The following LPP variants were observed in gnomAD, a reference collection of about 807,000 sequenced individuals.
LPP encodes the protein LIM domain containing preferred translocation partner in lipoma, also known as lipoma-preferred partner.
In LPP, 38 loss-of-function variants were observed where a neutral mutation model predicts 60.4. That is an observed-to-expected ratio of 0.63 (90% CI 0.49 to 0.83). The LOEUF (loss-of-function observed/expected upper bound fraction) is 0.83. Ranked by LOEUF, LPP falls within the 40% of genes least tolerant of loss-of-function variation. The probability of loss-of-function intolerance (pLI) is 0.00; values close to 1 mark genes in which losing one functional copy is unlikely to be tolerated. For missense variants in LPP, 902 were observed against 783.6 expected, an observed-to-expected ratio of 1.15 and a Z score of -1.80; for synonymous variants, 328 against 290.8, an observed-to-expected ratio of 1.13 and a Z score of -1.30.
rs1819978895 is a variant in LPP, at chr3:188,524,745, T to C, written c.387T>C (p.Ala129=). The C allele has an allele frequency of 6.2e-7, 1 of 1,614,030 alleles. No individual in the cohort carries two copies. Among genetic ancestry groups the C allele is most frequent in the Non-Finnish European group, 8.5e-7 (1 of 1,179,994 alleles). The change falls in exon 6 of 12, where the codon GCT becomes GCC. Residue 129 remains alanine (A), a synonymous_variant. Transcript: ENST00000617246. Reference sequence around the variant, plus strand: ...TTGACTCCTTGACCAGCATCTTGGCTGACCTTGAGTGCAGCTCCCCCTATA... The same window carrying C: ...TTGACTCCTTGACCAGCATCTTGGCCGACCTTGAGTGCAGCTCCCCCTATA... ...AEIDSLTSIL[A]DLECSSPYKP...
chr3:188,609,429 A>G lies in LPP; in HGVS notation c.698A>G (p.His233Arg), dbSNP rs762236261. ...VQVKSAQPSP[H>R]YMAAPSSGQI... The stretch of plus-strand genomic sequence containing the variant: ...GTGAAGTCAGCCCAGCCCAGCCCTC[A>G]TTATATGGCTGCCCCTTCATCAGGA... The change falls in exon 7 of 12, where the codon CAT becomes CGT. Residue 233 changes from histidine (H) to arginine (R), a missense_variant. Transcript: ENST00000617246. The surrounding 1 kb of genome is among the most constrained non-coding windows in gnomAD (Gnocchi z 6.9). The G allele has an allele frequency of 1.2e-6, 2 of 1,614,132 alleles. No homozygotes were observed. Among genetic ancestry groups the G allele is most frequent in the South Asian group, 1.1e-5 (1 of 91,084 alleles).
chr3:188,507,472 T>A (rs1321370256), intron 5 of LPP, among the ~76,000 whole-genome samples: 1 of 141,020 alleles, frequency 7.1e-6, no homozygotes, highest in East Asian at 2.0e-4. Flanking sequence ...AATATGGGAA[T>A]TTTTTTTTTT....
chr3:188,418,938 C>T (rs758646354), intron 4 of LPP, among the ~76,000 whole-genome samples: 4 of 151,866 alleles, frequency 2.6e-5, no homozygotes, highest in Non-Finnish European at 5.9e-5. Flanking sequence ...TATTTTTTAC[C>T]GTTCTATAGA....
rs955750976 is a variant in LPP at position 188,890,236 on chromosome 3, A to G, written c.*15757A>G. 4.6e-5 allele frequency: 10 copies of G among 216,058 alleles called. No individual in the cohort carries two copies. Among genetic ancestry groups the G allele is most frequent in the African/African-American group, 2.2e-4 (10 of 44,562 alleles). 13.4% of individuals were successfully genotyped at this position (216,058 alleles called of 1,614,324 possible). On this transcript the variant is annotated 3_prime_UTR_variant, in exon 12 of 12. Transcript: ENST00000617246. The stretch of plus-strand genomic sequence containing the variant: ...CCGTGATGAGCTGCTAGTCTGAATA[A>G]CATTCCCTGACTTAGGGAAAGGCAC...
intron 4 of LPP, among the ~76,000 whole-genome samples, chr3:188,459,684 T>C (rs1798550594): frequency 6.6e-6 from 1 of 152,206 alleles, no homozygotes; most frequent in South Asian, 2.1e-4. Flanking sequence ...AGAAAATTCT[T>C]CGAATTCATT....
At chr3:188,234,023 A>G (rs1362916179) in intron 2 of LPP, among the ~76,000 whole-genome samples, 1 of 152,084 alleles carries the variant, frequency 6.6e-6, no homozygotes, top group Non-Finnish European at 1.5e-5. Context: ...GGTTCCCACA[A>G]ATAGCATCCT....
intron 6 of LPP, among the ~76,000 whole-genome samples, chr3:188,594,976 T>G (rs550375085): frequency 6.6e-6 from 1 of 152,318 alleles, no homozygotes; most frequent in African/African-American, 2.4e-5. Context: ...CAGGATTAAG[T>G]ATCCTATTAC....
chr3:188,668,949 A>G (rs1576937990), intron 7 of LPP, among the ~76,000 whole-genome samples: 1 of 152,148 alleles, frequency 6.6e-6, no homozygotes, highest in East Asian at 1.9e-4. Flanking sequence ...GGGCATTTTA[A>G]TCATTTTTTC....
At chr3:188,237,749 G>A (rs188621860) in intron 2 of LPP, among the ~76,000 whole-genome samples, 10 of 151,806 alleles carry the variant, frequency 6.6e-5, no homozygotes, top group Admixed American at 6.6e-4. Context: ...CTTTCATCCA[G>A]GCTTTGTCAT....
intron 6 of LPP, among the ~76,000 whole-genome samples, chr3:188,570,201 G>A (rs1833216898): frequency 6.6e-6 from 1 of 152,014 alleles, no homozygotes; most frequent in African/African-American, 2.4e-5. Context: ...AAAGGCATAT[G>A]AGTAAGACTG....
At chr3:188,616,752 T>C (rs1844927483) in intron 7 of LPP, among the ~76,000 whole-genome samples, 1 of 152,194 alleles carries the variant, frequency 6.6e-6, no homozygotes, top group African/African-American at 2.4e-5. Flanking sequence ...TATCTCTTAA[T>C]TTATGTATGT....
chr3:188,529,758 C>G (rs966545533), intron 6 of LPP, among the ~76,000 whole-genome samples: 1 of 152,158 alleles, frequency 6.6e-6, no homozygotes, highest in Non-Finnish European at 1.5e-5. Flanking sequence ...CTGGATCAGT[C>G]ATTGGAGATT....
rs1013061243 is a variant in LPP at position 188,610,844 on chromosome 3, A to G, written c.1113+1000A>G. 6.6e-6 allele frequency among the ~76,000 whole-genome samples: 1 copy of G among 152,220 alleles called. No homozygotes were observed. The highest frequency in any genetic ancestry group is 1.5e-5 in the Non-Finnish European group (1 of 68,032). On this transcript the variant is annotated intron_variant, in intron 7 of 11. Transcript: ENST00000617246. This position sits in a 1 kb window ranked among gnomAD's most constrained non-coding sequence, Gnocchi z 4.4. ...CCAGTTTCCAGCCACTTGGGTTGGA[A>G]GAGTGCCCTTGCTTCTTTTCAGTTA...
chr3:188,862,712 C>CAAAAAAAA (rs140751676), intron 9 of LPP, among the ~76,000 whole-genome samples: 61 of 55,334 alleles, frequency 1.1e-3, no homozygotes, highest in East Asian at 2.9e-3. Flanking sequence ...CCCTACTAGA[C>CAAAAAAAA]AAAAAAATAA....
At chr3:188,183,753 G>C (rs535384095) in intron 1 of LPP, among the ~76,000 whole-genome samples, 52 of 152,072 alleles carry the variant, frequency 3.4e-4, no homozygotes, top group African/African-American at 9.2e-4. Flanking sequence ...GGAGTGGGAG[G>C]GGGTGTGCTG....
intron 3 of LPP, among the ~76,000 whole-genome samples, chr3:188,360,375 A>G (rs761595277): frequency 3.9e-5 from 6 of 152,104 alleles, no homozygotes; most frequent in Admixed American, 6.5e-5. Flanking sequence ...ATATTTAACT[A>G]TCTTAGTCCA....
At chr3:188,710,240 T>C (rs1359116888) in intron 8 of LPP, 1 of 152,220 alleles carries the variant, frequency 6.6e-6, no homozygotes, top group East Asian at 1.9e-4. Flanking sequence ...ATGAAAACCC[T>C]GGCTTTTATT....
chr3:188,436,319 A>T (rs931156700), intron 4 of LPP, among the ~76,000 whole-genome samples: 1 of 152,152 alleles, frequency 6.6e-6, no homozygotes, highest in Admixed American at 6.5e-5. Context: ...AGTTTTAGTA[A>T]ATTTTATTTT....
intron 2 of LPP, among the ~76,000 whole-genome samples, chr3:188,263,712 GT>G (rs1158251952): frequency 1.3e-5 from 2 of 152,232 alleles, no homozygotes; most frequent in African/African-American, 4.8e-5. Flanking sequence ...CACGTAGAAA[GT>G]TTTTTCTTAG....
Sources: gnomAD v4.1 joint callset for allele counts (sites outside exome capture counted in the v4.1 genomes callset) on GRCh38, gnomAD v4.1.1 for gene constraint, Gnocchi (gnomAD v3.1) non-coding constraint, MANE v1.5 for transcripts, NCBI Gene and HGNC (gene_info 2026-07-23, HGNC 2026-07-21) for gene names.